Variants in LPIN1 observed in about 807,000 individuals in gnomAD.
LPIN1 encodes the protein lipin 1.
LPIN1 carries 71 observed loss-of-function variants against 107.5 expected under a neutral mutation model. That is an observed-to-expected ratio of 0.66 (90% confidence interval 0.55 to 0.80). LPIN1 has a LOEUF of 0.80. LPIN1 is among the 30% of genes least tolerant of loss of function. The pLI is 0.00. For synonymous variants in LPIN1, 445 were observed against 452.6 expected (o/e 0.98, Z 0.21); for missense variants, 1,043 against 1,160.6 (o/e 0.90, Z 1.47).
In LPIN1 at chr2:11,752,433, A is replaced by ATTTTTTTTTTTTTTTTTTTTTTT. The variant is rs34156190; in HGVS notation, c.-10+5778_-10+5779insTTTTTTTTTTTTTTTTTTTTTTT. On this transcript the variant is annotated intron_variant, in intron 1 of 20. Coordinates refer to ENST00000674199, the MANE Select transcript of LPIN1 (RefSeq NM_001349206.2). ...TTTTCTTTTGAGCTGTTCCAAGGCC[A>ATTTTTTTTTTTTTTTTTTTTTTT]TTTTTTTTTTTTTTTTGAGACGGAG... Among the ~76,000 whole-genome samples the ATTTTTTTTTTTTTTTTTTTTTTT allele has an allele frequency of 2.8e-4, 29 of 103,866 alleles. 3 individuals are homozygous for ATTTTTTTTTTTTTTTTTTTTTTT. The highest frequency in any genetic ancestry group is 1.6e-3 in the African/African-American group (29 of 17,696). The allele number at this position is 103,866 out of a possible 152,430, so 68.1% of individuals were successfully genotyped here.
At chr2:11,748,109 C>T (rs1370531234) in intron 1 of LPIN1, among the ~76,000 whole-genome samples, 1 of 152,158 alleles carries the variant, frequency 6.6e-6, no homozygotes, top group Non-Finnish European at 1.5e-5. Context: ...GGTGAGAGAC[C>T]GCAGGGATTC....
chr2:11,809,912 G>T (rs1679367206), intron 17 of LPIN1, among the ~76,000 whole-genome samples: 1 of 152,172 alleles, frequency 6.6e-6, no homozygotes, highest in Non-Finnish European at 1.5e-5. Flanking sequence ...CCCTGGGACC[G>T]AGTACCTTCC....
intron 1 of LPIN1, among the ~76,000 whole-genome samples, chr2:11,760,908 G>C (rs1471881109): frequency 6.6e-6 from 1 of 152,074 alleles, no homozygotes. Flanking sequence ...GAGATGGGGG[G>C]GACATGAGAA....
intron 17 of LPIN1, among the ~76,000 whole-genome samples, chr2:11,810,577 C>T (rs1413933871): frequency 3.3e-5 from 5 of 152,184 alleles, no homozygotes; most frequent in Admixed American, 6.5e-5. Flanking sequence ...GTGACCCTCT[C>T]TCCCCTTAGG....
chr2:11,690,009 G>C (rs1156706554), intron 1 of LPIN1, among the ~76,000 whole-genome samples: 1 of 152,220 alleles, frequency 6.6e-6, no homozygotes, highest in Non-Finnish European at 1.5e-5. Flanking sequence ...CTAGGCCTCA[G>C]CTCACTTTGA....
chr2:11,783,902 G>A lies in LPIN1; in HGVS notation c.1338G>A (p.Ala446=), dbSNP rs765420806. The A allele has an allele frequency of 2.8e-5, 45 of 1,613,922 alleles. No individual in the cohort carries two copies. Among genetic ancestry groups the A allele is most frequent in the South Asian group, 1.2e-4 (11 of 91,076 alleles). ...TCACAGACATGGATCCTGAAGTGGCGGCCCTGTATTTTCCCAAAAAGTAAA... is the reference window on the plus strand; with the variant it reads ...TCACAGACATGGATCCTGAAGTGGCAGCCCTGTATTTTCCCAAAAAGTAAA... ...DDLTDMDPEV[A]ALYFPKNGDP... Residue 446 remains alanine, a synonymous_variant, in exon 9 of 21, where the codon GCG becomes GCA. Transcript: ENST00000674199.
rs1674704913 is a variant in LPIN1, at chr2:11,787,000, A to G, written c.1550-74A>G. ...CTCAGAAAACACTTGTGAGTGAGCA[A>G]ATGAAAGGTAGGCCTAATTTTGAAC... is the stretch of plus-strand genomic sequence containing the variant. On this transcript the variant is annotated intron_variant, in intron 10 of 20. Coordinates refer to ENST00000674199, the MANE Select transcript of LPIN1 (RefSeq NM_001349206.2). The surrounding 1 kb of genome is among the most constrained non-coding windows in gnomAD (Gnocchi z 4.1). 1.0e-6 allele frequency: 1 copy of G among 968,194 alleles called. No individual in the cohort carries two copies. Among genetic ancestry groups the G allele is most frequent in the East Asian group, 2.4e-5 (1 of 41,944 alleles). 60.0% of individuals were successfully genotyped at this position (968,194 alleles called of 1,614,324 possible).
intron 14 of LPIN1, among the ~76,000 whole-genome samples, chr2:11,796,779 G>A (rs879519924): frequency 6.6e-6 from 1 of 152,202 alleles, no homozygotes; most frequent in Non-Finnish European, 1.5e-5. Flanking sequence ...CCCAGGCCAA[G>A]GACATGCCAC....
intron 1 of LPIN1, among the ~76,000 whole-genome samples, chr2:11,699,424 G>T (rs991561760): frequency 6.6e-6 from 1 of 152,192 alleles, no homozygotes; most frequent in African/African-American, 2.4e-5. Context: ...CAGCGGGTAT[G>T]GGTATGGAGT....
intron 18 of LPIN1, chr2:11,819,072 G>GTA (rs1029096497): frequency 1.5e-4 from 33 of 217,736 alleles, no homozygotes; most frequent in East Asian, 3.8e-4. Context: ...ACACACACGT[G>GTA]TATATATATA....
At chr2:11,748,136 C>A (rs897866614) in intron 1 of LPIN1, among the ~76,000 whole-genome samples, 5 of 152,124 alleles carry the variant, frequency 3.3e-5, no homozygotes, top group Admixed American at 2.0e-4. Flanking sequence ...GTAGGGGGGA[C>A]CTTGGAAGTG....
At chr2:11,749,499 C>T (rs958633450) in intron 1 of LPIN1, among the ~76,000 whole-genome samples, 1 of 152,190 alleles carries the variant, frequency 6.6e-6, no homozygotes, top group African/African-American at 2.4e-5. Flanking sequence ...ACCTGTAATT[C>T]ACCCCAACAA....
At chr2:11,822,463 T>TA (rs916556777) in intron 20 of LPIN1, among the ~76,000 whole-genome samples, 16 of 139,102 alleles carry the variant, frequency 1.2e-4, no homozygotes, top group Non-Finnish European at 1.3e-4. Context: ...AAAAAAAAAT[T>TA]AAAAAAAAAA....
chr2:11,721,476 G>C (rs1664143076), upstream of LPIN1: 1 of 152,164 alleles, frequency 6.6e-6, no homozygotes, highest in South Asian at 2.1e-4. Flanking sequence ...CTCATAGTAA[G>C]GGACAGAGAA....
intron 1 of LPIN1, chr2:11,683,433 A>C (rs1572295262): frequency 6.6e-6 from 1 of 152,138 alleles, no homozygotes; most frequent in African/African-American, 2.4e-5. Flanking sequence ...TGAAATGATG[A>C]CTCCAGACAT....
Position 11,802,908 on chromosome 2 carries a change from G to T in LPIN1, c.1888G>T (p.Val630Leu), listed in dbSNP as rs1678014302. 6.2e-7 allele frequency: 1 copy of T among 1,612,932 alleles called. No homozygotes were observed. Among genetic ancestry groups the T allele is most frequent in the African/African-American group, 1.3e-5 (1 of 74,898 alleles). Residue 630 changes from valine (V) to leucine (L), a missense_variant and splice_region_variant, in exon 15 of 21, where the codon GTA (valine) becomes TTA (leucine). Transcript: ENST00000674199. ...TGATGACATCACTGTGTGTTCCAGG[G>T]TAAAGCATGAATCATCCTCCAGTGA... ...QPPQLSLATRVKHESSSSDEE... is the reference protein window; with the variant it reads ...QPPQLSLATRLKHESSSSDEE...
intron 1 of LPIN1, among the ~76,000 whole-genome samples, chr2:11,678,945 C>T (rs988519015): frequency 2.0e-5 from 3 of 152,196 alleles, no homozygotes; most frequent in Admixed American, 6.5e-5. Context: ...TTAAGTAGAC[C>T]ATTTTTGTGG....
intron 17 of LPIN1, among the ~76,000 whole-genome samples, chr2:11,807,345 G>C (rs1269525022): frequency 2.0e-5 from 3 of 152,158 alleles, no homozygotes; most frequent in African/African-American, 7.2e-5. Flanking sequence ...CTACTCATGA[G>C]GTGCCTTGAC....
intron 11 of LPIN1, among the ~76,000 whole-genome samples, chr2:11,787,398 CTTTT>C (rs1205272301): frequency 3.4e-4 from 22 of 64,544 alleles, no homozygotes; most frequent in Non-Finnish European, 5.6e-4. Context: ...TTTTCTTTTT[CTTTT>C]TTTTTTTTTT....
Sources: allele counts gnomAD v4.1 joint callset (sites outside exome capture counted in the v4.1 genomes callset), GRCh38; gene constraint gnomAD v4.1.1; non-coding constraint Gnocchi (gnomAD v3.1); transcripts MANE v1.5; gene names NCBI Gene and HGNC (gene_info 2026-07-23, HGNC 2026-07-21).